The following SPAG16 variants were observed in gnomAD, a reference collection of about 807,000 sequenced individuals.
SPAG16 encodes sperm-associated antigen 16 protein.
In SPAG16, 86 loss-of-function variants were observed where a neutral mutation model predicts 80.4. The ratio of observed to expected loss-of-function variants is 1.07; its 90% CI spans 0.90 to 1.28. The LOEUF is 1.28. SPAG16 is among the 50% of genes most tolerant of loss of function. The probability of loss-of-function intolerance (pLI) is 0.00; values close to 1 mark genes in which losing one functional copy is unlikely to be tolerated. For missense variants in SPAG16, 870 were observed against 765.3 expected (o/e 1.14, Z -1.61); for synonymous variants, 294 against 265.9 (o/e 1.11, Z -1.03).
At chr2:214,021,799 GACTT>G (rs1411331623) in intron 13 of SPAG16, among the ~76,000 whole-genome samples, 2 of 152,014 alleles carry the variant, frequency 1.3e-5, no homozygotes, top group African/African-American at 4.8e-5. Flanking sequence ...CCTGTGTAGA[GACTT>G]ACTGCTTTCT....
intron 10 of SPAG16, among the ~76,000 whole-genome samples, chr2:213,839,089 A>T (rs151216555): frequency 6.6e-6 from 1 of 152,338 alleles, no homozygotes; most frequent in African/African-American, 2.4e-5. Flanking sequence ...GGAAAAGCCA[A>T]TCCTCAGAGA....
At chr2:213,413,484 TA>T (rs1451261226) in intron 9 of SPAG16, among the ~76,000 whole-genome samples, 1 of 152,188 alleles carries the variant, frequency 6.6e-6, no homozygotes, top group African/African-American at 2.4e-5. Flanking sequence ...TTGTATAGGT[TA>T]TACTTTACAT....
intron 12 of SPAG16, among the ~76,000 whole-genome samples, chr2:213,985,960 A>T (rs1379090771): frequency 6.6e-6 from 1 of 151,884 alleles, no homozygotes; most frequent in Non-Finnish European, 1.5e-5. Flanking sequence ...CCAATTGACA[A>T]CTCCTCTTTC....
intron 15 of SPAG16, among the ~76,000 whole-genome samples, chr2:214,188,955 A>C (rs2057568964): frequency 6.6e-6 from 1 of 152,108 alleles, no homozygotes; most frequent in Middle Eastern, 3.2e-3. Context: ...AGGAGGAAAC[A>C]GGTAACATTT....
intron 14 of SPAG16, among the ~76,000 whole-genome samples, chr2:214,128,966 A>G (rs1015931341): frequency 2.0e-5 from 3 of 151,642 alleles, no homozygotes; most frequent in Non-Finnish European, 4.4e-5. Context: ...GTGACCTCAA[A>G]TCTTGAAATT....
At chr2:214,050,350 A>G (rs2125129881) in intron 13 of SPAG16, among the ~76,000 whole-genome samples, 1 of 152,166 alleles carries the variant, frequency 6.6e-6, no homozygotes, top group East Asian at 1.9e-4. Flanking sequence ...TATTTTAACA[A>G]GCATCCTGAG....
chr2:213,921,885 G>T (rs2078239900), intron 11 of SPAG16, among the ~76,000 whole-genome samples: 1 of 152,168 alleles, frequency 6.6e-6, no homozygotes, highest in Non-Finnish European at 1.5e-5. Flanking sequence ...AAGAGTTTCT[G>T]CTGAAAAGTC....
chr2:214,087,647 CA>C (rs2051863689), intron 13 of SPAG16, among the ~76,000 whole-genome samples: 1 of 151,914 alleles, frequency 6.6e-6, no homozygotes, highest in South Asian at 2.1e-4. Context: ...GACAGAAAGC[CA>C]GAGGAGATGA....
intron 10 of SPAG16, among the ~76,000 whole-genome samples, chr2:213,574,963 A>G (rs993341008): frequency 4.6e-5 from 7 of 152,136 alleles, no homozygotes; most frequent in African/African-American, 1.7e-4. Flanking sequence ...GTCAATTTCT[A>G]TCCATAACCA....
intron 12 of SPAG16, among the ~76,000 whole-genome samples, chr2:213,976,655 G>T (rs2045425646): frequency 6.6e-6 from 1 of 151,968 alleles, no homozygotes; most frequent in Non-Finnish European, 1.5e-5. Flanking sequence ...ATTCCAATGT[G>T]AGAAAAATTT....
chr2:214,149,094 TATAC>T (rs753750903), intron 14 of SPAG16, 42 bp from the exon 15 acceptor site: 7 of 706,196 alleles, frequency 9.9e-6, no homozygotes, highest in Admixed American at 3.2e-5. Flanking sequence ...TATATATATA[TATAC>T]ATACATACAC....
At chr2:213,822,291 C>T (rs995392000) in intron 10 of SPAG16, among the ~76,000 whole-genome samples, 4 of 151,914 alleles carry the variant, frequency 2.6e-5, no homozygotes, top group Non-Finnish European at 4.4e-5. Context: ...TGCATTTCAT[C>T]GATCTTTTTA....
At chr2:214,396,021 T>C (rs931302438) in intron 15 of SPAG16, among the ~76,000 whole-genome samples, 1 of 152,316 alleles carries the variant, frequency 6.6e-6, no homozygotes, top group Middle Eastern at 3.4e-3. Flanking sequence ...GGTAGAGTGA[T>C]GAATATTCTT....
At chr2:213,718,278 G>A (rs909231049) in intron 10 of SPAG16, among the ~76,000 whole-genome samples, 4 of 152,068 alleles carry the variant, frequency 2.6e-5, no homozygotes, top group Non-Finnish European at 5.9e-5. Flanking sequence ...GGTCACTAGA[G>A]AAATGCAAAC....
At chr2:213,320,936 G>A (rs957179456) in intron 5 of SPAG16, among the ~76,000 whole-genome samples, 5 of 152,004 alleles carry the variant, frequency 3.3e-5, no homozygotes, top group South Asian at 2.1e-4. Context: ...CCAAATGGTA[G>A]TGTTTAATCA....
At chr2:214,194,487 C>T (rs1196453128) in intron 15 of SPAG16, among the ~76,000 whole-genome samples, 1 of 152,062 alleles carries the variant, frequency 6.6e-6, no homozygotes, top group Non-Finnish European at 1.5e-5. Context: ...TAAAACTTCA[C>T]ATTGTCAAAT....
At chr2:214,047,069 T>G (rs1828406) in intron 13 of SPAG16, among the ~76,000 whole-genome samples, 30,494 of 152,108 alleles carry the variant, frequency 0.2, 3,710 homozygotes, top group Non-Finnish European at 0.28. Context: ...TCCATGTTCA[T>G]GGATTGAAAG....
chr2:214,224,876 C>G (rs1468276065), intron 15 of SPAG16, among the ~76,000 whole-genome samples: 1 of 152,048 alleles, frequency 6.6e-6, no homozygotes, highest in East Asian at 1.9e-4. Context: ...GGCTTATCTT[C>G]TAGTGAGGGT....
intron 12 of SPAG16, among the ~76,000 whole-genome samples, chr2:214,000,715 G>A (rs1201148429): frequency 2.0e-5 from 3 of 152,168 alleles, no homozygotes; most frequent in Non-Finnish European, 4.4e-5. Context: ...GAAATAAACA[G>A]GATAATGTGA....
Sources: gnomAD v4.1 joint callset for allele counts (sites outside exome capture counted in the v4.1 genomes callset) on GRCh38, gnomAD v4.1.1 for gene constraint, MANE v1.5 for transcripts, NCBI Gene and HGNC (gene_info 2026-07-23, HGNC 2026-07-21) for gene names.